The following WDR41 variants were observed in gnomAD, a reference collection of about 807,000 sequenced individuals.
WDR41 encodes WD repeat domain 41, also known as WD repeat-containing protein 41.
WDR41 carries 63 observed loss-of-function variants against 69.3 expected under a neutral mutation model. The ratio of observed to expected loss-of-function variants is 0.91; its 90% CI spans 0.74 to 1.12. The LOEUF is 1.12. Among genes scored for constraint, WDR41 ranks in the 50% most tolerant of loss-of-function variants. WDR41 has a pLI of 0.00. For synonymous variants in WDR41, 185 were observed against 192.1 expected (o/e 0.96, Z 0.31); for missense variants, 543 against 534.5 (o/e 1.02, Z -0.16).
At chr5:77,548,655 A>C (rs1743242336) in intron 1 of WDR41, among the ~76,000 whole-genome samples, 1 of 152,240 alleles carries the variant, frequency 6.6e-6, no homozygotes, top group African/African-American at 2.4e-5. Context: ...TGCTGTGAAC[A>C]GGGAACATTT....
At chr5:77,488,030 T>A (rs1319566162) in intron 2 of WDR41, among the ~76,000 whole-genome samples, 1 of 152,200 alleles carries the variant, frequency 6.6e-6, no homozygotes, top group African/African-American at 2.4e-5. Context: ...TCCTAATTTG[T>A]ATCTTTTATA....
chr5:77,584,055 ACACT>A (rs2112295921), intron 1 of WDR41, among the ~76,000 whole-genome samples: 1 of 152,350 alleles, frequency 6.6e-6, no homozygotes, highest in Admixed American at 6.5e-5. Flanking sequence ...TATGATAAAG[ACACT>A]CAACAGACTA....
At chr5:77,534,515 C>G (rs892879926) in intron 1 of WDR41, among the ~76,000 whole-genome samples, 2 of 151,616 alleles carry the variant, frequency 1.3e-5, no homozygotes, top group Non-Finnish European at 2.9e-5. Context: ...CTCACTGCAA[C>G]CTCCAACTCC....
At chr5:77,508,095 T>C (rs1802139909) in intron 1 of WDR41, among the ~76,000 whole-genome samples, 1 of 152,132 alleles carries the variant, frequency 6.6e-6, no homozygotes, top group South Asian at 2.1e-4. Context: ...TTAGTTCTTT[T>C]ACAAAAATTT....
chr5:77,564,411 T>C (rs1327070033), intron 1 of WDR41, among the ~76,000 whole-genome samples: 1 of 152,150 alleles, frequency 6.6e-6, no homozygotes, highest in South Asian at 2.1e-4. Flanking sequence ...ACGAATTGCA[T>C]TTTTTCACAA....
At chr5:77,511,081 T>C (rs1172556354) in intron 1 of WDR41, among the ~76,000 whole-genome samples, 1 of 152,170 alleles carries the variant, frequency 6.6e-6, no homozygotes, top group African/African-American at 2.4e-5. Context: ...AAAATTAGAA[T>C]TTTTTAAAAA....
At chr5:77,508,792 G>A (rs549120836) in intron 1 of WDR41, among the ~76,000 whole-genome samples, 1 of 132,158 alleles carries the variant, frequency 7.6e-6, no homozygotes, top group Admixed American at 8.0e-5. Flanking sequence ...TTAGTGGTCT[G>A]TTTCTCTCCC....
upstream of WDR41, among the ~76,000 whole-genome samples, chr5:77,496,667 G>T (rs115830415): frequency 0.012 from 1,828 of 152,158 alleles, 36 homozygotes; most frequent in African/African-American, 0.04. Context: ...AGACAACATT[G>T]TTAAGATATA....
intron 1 of WDR41, among the ~76,000 whole-genome samples, chr5:77,502,739 A>G (rs1489127239): frequency 6.6e-6 from 1 of 151,772 alleles, no homozygotes; most frequent in Non-Finnish European, 1.5e-5. Context: ...ATAATTTTCA[A>G]CCCAGAATTT....
At chr5:77,568,508 A>G (rs944141800) in intron 1 of WDR41, among the ~76,000 whole-genome samples, 2 of 152,146 alleles carry the variant, frequency 1.3e-5, no homozygotes, top group Non-Finnish European at 2.9e-5. Flanking sequence ...TCTGCTCTAT[A>G]TACTTTGAAG....
intron 1 of WDR41, among the ~76,000 whole-genome samples, chr5:77,573,742 G>A (rs1198373618): frequency 3.3e-5 from 5 of 152,138 alleles, no homozygotes; most frequent in African/African-American, 4.8e-5. Flanking sequence ...AGAAATTTCC[G>A]ACAGAACTAG....
At chr5:77,559,986 A>T (rs1232550026) in intron 1 of WDR41, among the ~76,000 whole-genome samples, 1 of 152,158 alleles carries the variant, frequency 6.6e-6, no homozygotes, top group Non-Finnish European at 1.5e-5. Flanking sequence ...CAAGGTAGGA[A>T]AGGAAAAAGG....
chr5:77,584,056 C>T (rs753266596), intron 1 of WDR41, among the ~76,000 whole-genome samples: 8 of 152,242 alleles, frequency 5.3e-5, no homozygotes, highest in Admixed American at 4.6e-4. Context: ...ATGATAAAGA[C>T]ACTCAACAGA....
At chr5:77,440,535 C>T (rs1799116545) in intron 9 of WDR41, among the ~76,000 whole-genome samples, 1 of 152,152 alleles carries the variant, frequency 6.6e-6, no homozygotes, top group South Asian at 2.1e-4. Flanking sequence ...CAATTTTAAG[C>T]ATTAACCTCA....
intron 1 of WDR41, among the ~76,000 whole-genome samples, chr5:77,586,095 A>G (rs1484143440): frequency 6.6e-6 from 1 of 152,168 alleles, no homozygotes; most frequent in Admixed American, 6.6e-5. Flanking sequence ...CATTTTTAGA[A>G]CTTTTTTAAC....
At chr5:77,543,254 A>T (rs1279372045) in intron 1 of WDR41, among the ~76,000 whole-genome samples, 1 of 152,124 alleles carries the variant, frequency 6.6e-6, no homozygotes, top group Non-Finnish European at 1.5e-5. Context: ...GTTCTTTAAC[A>T]CCTCCAAAAA....
At chr5:77,478,233 T>C (rs1434060662) in intron 2 of WDR41, among the ~76,000 whole-genome samples, 3 of 152,190 alleles carry the variant, frequency 2.0e-5, no homozygotes, top group Non-Finnish European at 2.9e-5. Context: ...CACAGCCGAA[T>C]TCTACCAGTG....
intron 1 of WDR41, among the ~76,000 whole-genome samples, chr5:77,504,528 G>T (rs1282654263): frequency 6.6e-6 from 1 of 152,112 alleles, no homozygotes; most frequent in Non-Finnish European, 1.5e-5. Context: ...ATTTTAGGAG[G>T]CCAGCATCAT....
chr5:77,500,115 A>G (rs1037940722), intron 1 of WDR41, among the ~76,000 whole-genome samples: 16 of 152,270 alleles, frequency 1.1e-4, no homozygotes, highest in Admixed American at 9.2e-4. Context: ...ACGGTTGCCA[A>G]TGACAAAACT....
Sources: gnomAD v4.1 joint callset for allele counts (sites outside exome capture counted in the v4.1 genomes callset) on GRCh38, gnomAD v4.1.1 for gene constraint, MANE v1.5 for transcripts, NCBI Gene and HGNC (gene_info 2026-07-23, HGNC 2026-07-21) for gene names.